The following MAPK4 variants were observed in gnomAD, a reference collection of about 807,000 sequenced individuals.
MAPK4 encodes Erk3-related.
Under a neutral mutation model 47.7 loss-of-function variants are expected in MAPK4, and 22 were observed. That is an observed-to-expected ratio of 0.46 (90% CI 0.33 to 0.66). MAPK4 has a LOEUF of 0.66. MAPK4 is among the 30% of genes least tolerant of loss of function. The pLI is 0.02. For synonymous variants in MAPK4, 390 were observed against 365.7 expected (o/e 1.07, Z -0.76); for missense variants, 736 against 831.7 (o/e 0.88, Z 1.42).
At chr18:50,559,624 AC>A, upstream of MAPK4, among the ~76,000 whole-genome samples, 1 of 45,926 alleles carries the variant, frequency 2.2e-5, no homozygotes, top group South Asian at 6.6e-4. Flanking sequence ...CCACCCTCCC[AC>A]CGGGCCCCCG....
At chr18:50,695,144 G>C (rs1011956612) in intron 2 of MAPK4, among the ~76,000 whole-genome samples, 3 of 151,910 alleles carry the variant, frequency 2.0e-5, no homozygotes, top group African/African-American at 4.8e-5. Flanking sequence ...TCAGGAGTTC[G>C]AGACCAGCCT....
chr18:50,695,401 A>T (rs1909455668), intron 2 of MAPK4, among the ~76,000 whole-genome samples: 1 of 150,292 alleles, frequency 6.7e-6, no homozygotes, highest in African/African-American at 2.4e-5. Flanking sequence ...GGAAAGTGTC[A>T]TGTATAGCCA....
intron 1 of MAPK4, among the ~76,000 whole-genome samples, chr18:50,599,597 T>A (rs2042517071): frequency 6.6e-6 from 1 of 152,106 alleles, no homozygotes; most frequent in South Asian, 2.1e-4. Flanking sequence ...TTTTGTATTT[T>A]TAGTAGAGGC....
At chr18:50,677,962 TG>T (rs2144304707) in intron 2 of MAPK4, among the ~76,000 whole-genome samples, 1 of 152,252 alleles carries the variant, frequency 6.6e-6, no homozygotes, top group Non-Finnish European at 1.5e-5. Flanking sequence ...GTGGGTTCCA[TG>T]CCCCCGGGAA....
intron 1 of MAPK4, among the ~76,000 whole-genome samples, chr18:50,654,155 C>T (rs2043082141): frequency 6.6e-6 from 1 of 152,228 alleles, no homozygotes; most frequent in South Asian, 2.1e-4. Flanking sequence ...GATCTTTGAG[C>T]ATCCCTGCCA....
Position 50,611,488 on chromosome 18 carries a change from G to T in MAPK4, c.-871+51245G>T, listed in dbSNP as rs112884163. 5.6e-4 allele frequency among the ~76,000 whole-genome samples: 86 copies of T among 152,256 alleles called. 1 individual carries two copies. The highest frequency in any genetic ancestry group is 6.8e-3 in the Middle Eastern group (2 of 294). On this transcript the variant is annotated intron_variant, in intron 1 of 5. Transcript: ENST00000400384. ...AGAAATCACCTTAGGAGCAGCCCTGGGTGCATCTTCACCAAATGAGTGAGC... is the reference window on the plus strand; with the variant it reads ...AGAAATCACCTTAGGAGCAGCCCTGTGTGCATCTTCACCAAATGAGTGAGC...
intron 1 of MAPK4, among the ~76,000 whole-genome samples, chr18:50,597,235 A>C (rs2042490237): frequency 6.6e-6 from 1 of 152,212 alleles, no homozygotes; most frequent in Non-Finnish European, 1.5e-5. Flanking sequence ...CACTTTGTAC[A>C]TGTCACAAAC....
intron 1 of MAPK4, among the ~76,000 whole-genome samples, chr18:50,615,550 G>A (rs183288071): frequency 7.9e-5 from 12 of 152,262 alleles, no homozygotes; most frequent in African/African-American, 1.4e-4. Flanking sequence ...CTGCAGCTGC[G>A]CACATCAATT....
At chr18:50,667,986 G>T (rs1300777010) in intron 2 of MAPK4, among the ~76,000 whole-genome samples, 1 of 152,164 alleles carries the variant, frequency 6.6e-6, no homozygotes, top group East Asian at 1.9e-4. Flanking sequence ...CTGATGGACT[G>T]GCTTCAAGTT....
intron 5 of MAPK4, among the ~76,000 whole-genome samples, chr18:50,726,831 T>C (rs1911227934): frequency 6.6e-6 from 1 of 150,742 alleles, no homozygotes. Context: ...GCCCAGAAGT[T>C]TGAGGTTGCA....
chr18:50,673,674 G>A (rs1257117575), intron 2 of MAPK4, among the ~76,000 whole-genome samples: 1 of 152,110 alleles, frequency 6.6e-6, no homozygotes, highest in African/African-American at 2.4e-5. Context: ...GGCTAACATG[G>A]TGAAACCCAG....
In MAPK4 at chr18:50,668,094, G is replaced by C. The variant is rs34666605; in HGVS notation, c.546+3590G>C. ...ATTTACATTTACTGTAAGGGTTAGG[G>C]TTAGGTTCATGTAACACTTCCTTAC... On this transcript the variant is annotated intron_variant, in intron 2 of 5. Coordinates refer to ENST00000400384, the MANE Select transcript of MAPK4 (RefSeq NM_002747.4). 9.4e-3 allele frequency among the ~76,000 whole-genome samples: 1,437 copies of C among 152,298 alleles called. 26 individuals are homozygous for C. Among genetic ancestry groups the C allele is most frequent in the African/African-American group, 0.033 (1,381 of 41,554 alleles).
chr18:50,719,326 C>T (rs1488486288), intron 3 of MAPK4, among the ~76,000 whole-genome samples: 1 of 151,058 alleles, frequency 6.6e-6, no homozygotes, highest in Non-Finnish European at 1.5e-5. Context: ...TCTGATGGTC[C>T]AGCAGGGGAC....
intron 2 of MAPK4, among the ~76,000 whole-genome samples, chr18:50,696,046 GGAGGGCACT>G (rs1183438918): frequency 2.6e-5 from 4 of 151,868 alleles, no homozygotes; most frequent in African/African-American, 9.7e-5. Context: ...TCCTCATCTG[GGAGGGCACT>G]GCAGGATGCA....
chr18:50,627,925 G>A (rs1359977676), intron 1 of MAPK4, among the ~76,000 whole-genome samples: 3 of 152,174 alleles, frequency 2.0e-5, no homozygotes, highest in Non-Finnish European at 4.4e-5. Context: ...CAGGGCTCAG[G>A]CAAGCATTAG....
intron 2 of MAPK4, among the ~76,000 whole-genome samples, chr18:50,691,170 T>A (rs1909194596): frequency 6.6e-6 from 1 of 152,108 alleles, no homozygotes; most frequent in South Asian, 2.1e-4. Flanking sequence ...ATTTTGTATT[T>A]TTGGTAGAGA....
intron 1 of MAPK4, among the ~76,000 whole-genome samples, chr18:50,616,155 T>A (rs577025553): frequency 3.6e-4 from 55 of 152,258 alleles, no homozygotes; most frequent in Non-Finnish European, 7.8e-4. Flanking sequence ...GTCTTAAGGG[T>A]CTGTGTAAAT....
At chr18:50,666,232 G>C (rs1907593972) in intron 2 of MAPK4, among the ~76,000 whole-genome samples, 1 of 152,174 alleles carries the variant, frequency 6.6e-6, no homozygotes, top group South Asian at 2.1e-4. Flanking sequence ...AATTCTTTGG[G>C]GGTGACATGG....
In MAPK4 at chr18:50,564,802, C is replaced by T. The variant is rs55825802; in HGVS notation, c.-871+4559C>T. ...CCGCCATTACCCACAAGATCATCCCCGCCTGCTGCTTGGGCAGTGCCTGGT... is the reference window on the plus strand; with the variant it reads ...CCGCCATTACCCACAAGATCATCCCTGCCTGCTGCTTGGGCAGTGCCTGGT... On this transcript the variant is annotated intron_variant, in intron 1 of 5. Coordinates refer to ENST00000400384, the MANE Select transcript of MAPK4 (RefSeq NM_002747.4). Among the ~76,000 whole-genome samples the T allele has an allele frequency of 6.7e-3, 1,016 of 152,298 alleles. 14 individuals carry two copies. Among genetic ancestry groups the T allele is most frequent in the African/African-American group, 0.023 (968 of 41,560 alleles).
Sources: gnomAD v4.1 joint callset for allele counts (sites outside exome capture counted in the v4.1 genomes callset) on GRCh38, gnomAD v4.1.1 for gene constraint, MANE v1.5 for transcripts, NCBI Gene and HGNC (gene_info 2026-07-23, HGNC 2026-07-21) for gene names.